The following AATF variants were observed in gnomAD, a reference collection of about 807,000 sequenced individuals.
The protein encoded by AATF is apoptosis antagonizing transcription factor.
AATF carries 48 observed loss-of-function variants against 63.7 expected under a neutral mutation model. The ratio of observed to expected loss-of-function variants is 0.75; its 90% CI spans 0.60 to 0.96. AATF has a LOEUF of 0.96. Ranked by LOEUF, AATF falls within the 40% of genes least tolerant of loss-of-function variation. The probability of loss-of-function intolerance (pLI) is 0.00; values close to 1 mark genes in which losing one functional copy is unlikely to be tolerated. For synonymous variants in AATF, 258 were observed against 247.7 expected, an observed-to-expected ratio of 1.04 and a Z score of -0.39; for missense variants, 639 against 685.7, an observed-to-expected ratio of 0.93 and a Z score of 0.76.
intron 11 of AATF, chr17:37,045,907 C>T (rs2071686024): frequency 6.6e-6 from 1 of 152,198 alleles, no homozygotes; most frequent in South Asian, 2.1e-4. Context: ...GTGTTTAGGA[C>T]AGATGCTCCT....
At chr17:36,967,647 GCT>G (rs2071001631) in intron 4 of AATF, among the ~76,000 whole-genome samples, 1 of 151,184 alleles carries the variant, frequency 6.6e-6, no homozygotes, top group Non-Finnish European at 1.5e-5. Context: ...GTCTTTCTTG[GCT>G]ACTTCCAATT....
chr17:36,958,537 A>G (rs1304111318), intron 4 of AATF, among the ~76,000 whole-genome samples: 1 of 152,212 alleles, frequency 6.6e-6, no homozygotes, highest in Non-Finnish European at 1.5e-5. Context: ...TGTAAGGAAG[A>G]AGGGAAGTTA....
intron 7 of AATF, among the ~76,000 whole-genome samples, chr17:36,989,794 T>G (rs1298584137): frequency 6.6e-6 from 1 of 152,202 alleles, no homozygotes; most frequent in Admixed American, 6.5e-5. Flanking sequence ...AGAAGTGGAA[T>G]AGTCAAATTC....
intron 8 of AATF, among the ~76,000 whole-genome samples, chr17:37,011,729 G>A (rs1367431084): frequency 6.6e-6 from 1 of 152,112 alleles, no homozygotes; most frequent in Non-Finnish European, 1.5e-5. Flanking sequence ...AGGTGAGAAA[G>A]TCCAGTGTCA....
At chr17:36,984,100 G>T (rs2071148668) in intron 4 of AATF, among the ~76,000 whole-genome samples, 3 of 152,166 alleles carry the variant, frequency 2.0e-5, no homozygotes, top group Admixed American at 2.0e-4. Context: ...AGAAAAGAAA[G>T]AATAAGACAT....
At chr17:37,051,855 T>TA (rs1459693891) in intron 11 of AATF, among the ~76,000 whole-genome samples, 1 of 152,234 alleles carries the variant, frequency 6.6e-6, no homozygotes, top group Non-Finnish European at 1.5e-5. Context: ...TATAAAACCT[T>TA]ACTGCACTAG....
At chr17:37,014,191 T>C (rs1328848092) in intron 8 of AATF, among the ~76,000 whole-genome samples, 6 of 152,012 alleles carry the variant, frequency 3.9e-5, no homozygotes, top group African/African-American at 1.2e-4. Flanking sequence ...ATAATTTGGC[T>C]GAGGAGGCAG....
intron 11 of AATF, among the ~76,000 whole-genome samples, chr17:37,046,757 A>ATG (rs1555655371): frequency 6.6e-6 from 1 of 151,570 alleles, no homozygotes; most frequent in Non-Finnish European, 1.5e-5. Flanking sequence ...ACACACACAC[A>ATG]CACACACACA....
intron 8 of AATF, among the ~76,000 whole-genome samples, chr17:37,002,912 T>G (rs986331743): frequency 6.7e-6 from 1 of 149,460 alleles, no homozygotes; most frequent in African/African-American, 2.5e-5. Flanking sequence ...TGTTTTTTTT[T>G]TTTTTTTTTT....
chr17:36,953,380 T>G, intron 3 of AATF, 84 bp downstream of exon 3: 2 of 1,548,572 alleles, frequency 1.3e-6, no homozygotes, highest in Non-Finnish European at 1.7e-6. Context: ...TTGGCTATTC[T>G]CTATCTCCTG....
At chr17:36,977,416 C>G (rs2071087194) in intron 4 of AATF, among the ~76,000 whole-genome samples, 1 of 151,882 alleles carries the variant, frequency 6.6e-6, no homozygotes, top group Non-Finnish European at 1.5e-5. Context: ...TTTTCCAGAC[C>G]CATACTATAG....
chr17:37,014,801 A>G (rs1052134074), intron 8 of AATF, among the ~76,000 whole-genome samples: 7 of 152,198 alleles, frequency 4.6e-5, no homozygotes, highest in African/African-American at 1.7e-4. Flanking sequence ...TTGTCTTGCA[A>G]ATAAGCAAGG....
Position 37,031,531 on chromosome 17 carries a change from A to T in AATF, c.1548-83A>T, listed in dbSNP as rs1251273739. On this transcript the variant is annotated intron_variant, in intron 10 of 11. Transcript: ENST00000619387. The stretch of plus-strand genomic sequence containing the variant: ...CAGATGTTCCAGTGATCAGTTCTGG[A>T]GTTTGTTAACTCACTGAATGTGTTT... 5 of 1,115,104 alleles carry T rather than the reference A, an allele frequency of 4.5e-6. No homozygotes were observed. The African/African-American group carries it at 7.7e-5, about 17-fold the overall frequency. The allele number at this position is 1,115,104 out of a possible 1,614,324, so 69.1% of individuals were successfully genotyped here.
chr17:37,027,020 T>G (rs564752447), intron 10 of AATF, among the ~76,000 whole-genome samples: 5 of 152,294 alleles, frequency 3.3e-5, no homozygotes, highest in African/African-American at 1.2e-4. Flanking sequence ...CCAGAAATGT[T>G]GTAGCAAAGA....
In AATF at chr17:37,008,794, G is replaced by A. The variant is rs73286011; in HGVS notation, c.1399-10211G>A. Reference sequence around the variant, plus strand: ...GCTCTGGAGGTCAGGGGCACAGTGAGCTATGATCATGCCACTGCACTCCAG... The same window carrying A: ...GCTCTGGAGGTCAGGGGCACAGTGAACTATGATCATGCCACTGCACTCCAG... On this transcript the variant is annotated intron_variant, in intron 8 of 11. Transcript: ENST00000619387. 1.5e-3 allele frequency among the ~76,000 whole-genome samples: 221 copies of A among 152,310 alleles called. 1 individual carries two copies. Among genetic ancestry groups the A allele is most frequent in the African/African-American group, 5.2e-3 (215 of 41,552 alleles).
At chr17:37,020,575 C>G (rs1687103404) in intron 9 of AATF, among the ~76,000 whole-genome samples, 1 of 152,160 alleles carries the variant, frequency 6.6e-6, no homozygotes, top group South Asian at 2.1e-4. Context: ...CCAGCAGTTG[C>G]AACATTAGTA....
chr17:36,982,644 G>A (rs1008200594), intron 4 of AATF, among the ~76,000 whole-genome samples: 7 of 152,122 alleles, frequency 4.6e-5, no homozygotes, highest in Middle Eastern at 3.4e-3. Context: ...GAGCCACCGC[G>A]CCCAGCCCAG....
rs181938390 is a variant in AATF, at chr17:36,954,978, T to C, written c.832+1071T>C. 1.9e-4 allele frequency among the ~76,000 whole-genome samples: 29 copies of C among 152,278 alleles called. 1 individual carries two copies. In the East Asian group the frequency reaches 5.6e-3, roughly 29 times the overall value. ...ATATCTATATCCATAGATATAGATA[T>C]ATATGTATAGATTATGTATCTATCT... On this transcript the variant is annotated intron_variant, in intron 4 of 11. Transcript: ENST00000619387.
At chr17:37,039,659 C>T (rs17139093) in intron 11 of AATF, among the ~76,000 whole-genome samples, 5,590 of 152,190 alleles carry the variant, frequency 0.037, 350 homozygotes, top group African/African-American at 0.13. Context: ...TGGCGTCCAG[C>T]ACAGAGATAG....
Sources: allele counts gnomAD v4.1 joint callset (sites outside exome capture counted in the v4.1 genomes callset), GRCh38; gene constraint gnomAD v4.1.1; transcripts MANE v1.5; gene names NCBI Gene and HGNC (gene_info 2026-07-23, HGNC 2026-07-21).